Variants in DDX4 observed in about 807,000 individuals in gnomAD.
DDX4 encodes probable ATP-dependent RNA helicase DDX4.
In DDX4, 25 loss-of-function variants were observed where a neutral mutation model predicts 100.0. The observed-to-expected ratio is 0.25, with a 90% CI of 0.18 to 0.35. DDX4 has a LOEUF of 0.35. Among genes scored for constraint, DDX4 ranks in the 10% least tolerant of loss-of-function variants. The pLI is 1.00. For synonymous variants in DDX4, 259 were observed against 275.7 expected, an observed-to-expected ratio of 0.94 and a Z score of 0.60; for missense variants, 635 against 882.4, an observed-to-expected ratio of 0.72 and a Z score of 3.55.
intron 21 of DDX4, among the ~76,000 whole-genome samples, chr5:55,816,226 C>T (rs1356954896): frequency 6.6e-6 from 1 of 152,116 alleles, no homozygotes; most frequent in African/African-American, 2.4e-5. Flanking sequence ...CTTGTCAAAA[C>T]TATTGACTTA....
intron 14 of DDX4, 94 bp from the exon 15 acceptor site, chr5:55,787,752 A>C (rs751494618): frequency 3.8e-6 from 5 of 1,304,334 alleles, no homozygotes; most frequent in Non-Finnish European, 5.1e-6. Context: ...AGATGGAAGT[A>C]GAGTCTAAAG....
chr5:55,792,535 ATTT>A, intron 16 of DDX4, 103 bp from the exon 17 acceptor site: 4 of 463,366 alleles, frequency 8.6e-6, no homozygotes, highest in East Asian at 4.9e-5. Context: ...AATTTTTTGT[ATTT>A]TTTTTTTTTT....
intron 18 of DDX4, among the ~76,000 whole-genome samples, chr5:55,806,315 C>T (rs1393169487): frequency 2.6e-5 from 4 of 152,056 alleles, no homozygotes; most frequent in African/African-American, 9.6e-5. Context: ...TTTTTTGTCT[C>T]TTATTTCCTT....
At chr5:55,795,634 G>A (rs1480151226) in intron 17 of DDX4, among the ~76,000 whole-genome samples, 1 of 152,138 alleles carries the variant, frequency 6.6e-6, no homozygotes, top group Non-Finnish European at 1.5e-5. Flanking sequence ...TTAGCTGGGT[G>A]TGGTGACACG....
At chr5:55,799,705 A>T (rs34047858) in intron 18 of DDX4, among the ~76,000 whole-genome samples, 1 of 151,984 alleles carries the variant, frequency 6.6e-6, no homozygotes, top group African/African-American at 2.4e-5. Context: ...CATTTTTTTT[A>T]GTTCGGTTGT....
At chr5:55,797,518 A>G (rs897329942) in intron 17 of DDX4, among the ~76,000 whole-genome samples, 1 of 152,240 alleles carries the variant, frequency 6.6e-6, no homozygotes, top group Non-Finnish European at 1.5e-5. Flanking sequence ...TTCTTTTATG[A>G]TAAGAGATCA....
intron 18 of DDX4, among the ~76,000 whole-genome samples, chr5:55,804,398 A>G (rs1262105123): frequency 1.3e-5 from 2 of 152,078 alleles, no homozygotes; most frequent in African/African-American, 2.4e-5. Context: ...GTCCTTGCCC[A>G]TGCCTATGTC....
chr5:55,746,076 AT>A, intron 2 of DDX4, 87 bp from the exon 3 acceptor site: 1 of 1,022,296 alleles, frequency 9.8e-7, no homozygotes, highest in Admixed American at 2.4e-5. Context: ...ACAAAGCTCA[AT>A]TGTTATAATT....
At chr5:55,738,185 A>G (rs1561474505) in intron 1 of DDX4, 84 bp downstream of exon 1, 1 of 152,256 alleles carries the variant, frequency 6.6e-6, no homozygotes, top group Non-Finnish European at 1.5e-5. Flanking sequence ...CAAAGTGTGG[A>G]TGGAGTAGGA....
At chr5:55,796,910 T>TGG (rs912664364) in intron 17 of DDX4, among the ~76,000 whole-genome samples, 12 of 137,296 alleles carry the variant, frequency 8.7e-5, no homozygotes, top group Non-Finnish European at 1.5e-4. Flanking sequence ...GGCACAATCA[T>TGG]GGTTCACTGC....
At position 55,738,940 on chromosome 5, in the gene DDX4, TTA is replaced by T; in HGVS notation, c.-14-8_-14-7del. 1 of 1,495,720 alleles carries T rather than the reference TTA, an allele frequency of 6.7e-7. No homozygotes were observed. Among genetic ancestry groups the T allele is most frequent in the Non-Finnish European group, 9.3e-7 (1 of 1,076,988 alleles). The allele number at this position is 1,495,720 out of a possible 1,614,324, so 92.7% of individuals were successfully genotyped here. On this transcript the variant is annotated splice_region_variant and splice_polypyrimidine_tract_variant and intron_variant, in intron 1 of 21. Coordinates refer to ENST00000505374, the MANE Select transcript of DDX4 (RefSeq NM_024415.3). Reference sequence around the variant, plus strand: ...AGTCCAAATGTGCATTTTTTTTTTTTTATGAATAGAACTTGAAGCCACCATGG... The same window carrying T: ...AGTCCAAATGTGCATTTTTTTTTTTTTGAATAGAACTTGAAGCCACCATGG...
At chr5:55,776,637 G>A (rs911051031) in intron 7 of DDX4, among the ~76,000 whole-genome samples, 1 of 152,158 alleles carries the variant, frequency 6.6e-6, no homozygotes, top group African/African-American at 2.4e-5. Context: ...GAATGCTGAA[G>A]GAGAATAGCT....
In DDX4 at chr5:55,774,420, C is replaced by CG. The variant is rs1189595466; in HGVS notation, c.395-5542dup. ...TCCCTTCTTGGCCTTCCAAAGTGCT[C>CG]GGATTACAGGTGTGAGCCACTGCAT... On this transcript the variant is annotated intron_variant, in intron 7 of 21. Transcript: ENST00000505374. 7.2e-5 allele frequency among the ~76,000 whole-genome samples: 11 copies of CG among 152,232 alleles called. No homozygotes were observed. The East Asian group carries it at 2.1e-3, about 29-fold the overall frequency.
intron 2 of DDX4, among the ~76,000 whole-genome samples, chr5:55,741,758 C>T (rs1227727293): frequency 6.6e-6 from 1 of 151,468 alleles, no homozygotes; most frequent in Admixed American, 6.6e-5. Context: ...AGCTGCACTC[C>T]AGCCTGGGCA....
rs3990072 is a variant in DDX4 at position 55,796,823 on chromosome 5, CTTTTTTTTTTTTTTTTTTTTTTT to C, written c.1470-1591_1470-1569del. ...TTTTCTTTTCTTTTTTTCTTTCTTTCTTTTTTTTTTTTTTTTTTTTTTTTTTTTTTTTTTGGAGACAAGGTCTC... is the reference window on the plus strand; with the variant it reads ...TTTTCTTTTCTTTTTTTCTTTCTTTCTTTTTTTTTTTGGAGACAAGGTCTC... On this transcript the variant is annotated intron_variant, in intron 17 of 21. Transcript: ENST00000505374. Among the ~76,000 whole-genome samples, 17 of 59,948 alleles carry C rather than the reference CTTTTTTTTTTTTTTTTTTTTTTT, an allele frequency of 2.8e-4. No homozygotes were observed. The South Asian group carries it at 6.2e-3, about 22-fold the overall frequency. 39.3% of individuals were successfully genotyped at this position (59,948 alleles called of 152,430 possible).
chr5:55,807,202 G>C (rs1278213194), intron 18 of DDX4, among the ~76,000 whole-genome samples: 1 of 151,750 alleles, frequency 6.6e-6, no homozygotes, highest in Non-Finnish European at 1.5e-5. Context: ...CCTTTATTTT[G>C]AGCCTATGTG....
At chr5:55,808,039 A>C (rs967620942) in intron 18 of DDX4, among the ~76,000 whole-genome samples, 4 of 151,804 alleles carry the variant, frequency 2.6e-5, no homozygotes, top group African/African-American at 4.8e-5. Flanking sequence ...TTTTCTCGAA[A>C]CTTCTCTTCA....
At chr5:55,753,361 A>T (rs1044203198) in intron 3 of DDX4, among the ~76,000 whole-genome samples, 25 of 152,110 alleles carry the variant, frequency 1.6e-4, no homozygotes, top group Non-Finnish European at 7.4e-5. Flanking sequence ...AGGTGTAAGG[A>T]AGGGATCCAG....
At position 55,781,324 on chromosome 5, in the gene DDX4, G is replaced by A. The variant is rs528019138; in HGVS notation, c.577+178G>A. ...GTCTCCCTTATAAAATTTGTGCAAT[G>A]TGAATTATTTATTCTGTGTTATCTA... On this transcript the variant is annotated intron_variant, in intron 9 of 21. Transcript: ENST00000505374. Among the ~76,000 whole-genome samples, 7 of 152,324 alleles carry A rather than the reference G, an allele frequency of 4.6e-5. No individual in the cohort carries two copies. In the South Asian group the frequency reaches 1.4e-3, roughly 32 times the overall value.
Sources: allele counts gnomAD v4.1 joint callset (sites outside exome capture counted in the v4.1 genomes callset), GRCh38; gene constraint gnomAD v4.1.1; transcripts MANE v1.5; gene names NCBI Gene and HGNC (gene_info 2026-07-23, HGNC 2026-07-21).